PPP1R1C: variants seen among roughly 807,000 people sequenced by gnomAD.
PPP1R1C encodes protein phosphatase 1 regulatory subunit 1C.
PPP1R1C carries 15 observed loss-of-function variants against 17.4 expected under a neutral mutation model. The observed-to-expected ratio is 0.86, with a 90% CI of 0.58 to 1.33. PPP1R1C has a LOEUF of 1.33. Among genes scored for constraint, PPP1R1C ranks in the 40% most tolerant of loss-of-function variants. The pLI is 0.00. For synonymous variants in PPP1R1C, 35 were observed against 43.1 expected, an observed-to-expected ratio of 0.81 and a Z score of 0.73; for missense variants, 143 against 130.0, an observed-to-expected ratio of 1.10 and a Z score of -0.48.
intron 2 of PPP1R1C, among the ~76,000 whole-genome samples, chr2:182,058,679 G>T (rs995819187): frequency 6.6e-6 from 1 of 151,982 alleles, no homozygotes; most frequent in Non-Finnish European, 1.5e-5. Context: ...GGAATTTTAC[G>T]TGGCTTAAGT....
chr2:182,046,960 G>A (rs987799448), intron 2 of PPP1R1C, among the ~76,000 whole-genome samples: 13 of 150,920 alleles, frequency 8.6e-5, no homozygotes, highest in African/African-American at 2.9e-4. Flanking sequence ...GACCTATGTG[G>A]AAAAAAAAAG....
chr2:182,045,332 T>G (rs1687310778), intron 2 of PPP1R1C, among the ~76,000 whole-genome samples: 1 of 152,040 alleles, frequency 6.6e-6, no homozygotes, highest in South Asian at 2.1e-4. Context: ...TTTCAGATGA[T>G]CAAGTGACAA....
chr2:181,963,879 C>T (rs1042526000), intron 1 of PPP1R1C, among the ~76,000 whole-genome samples: 1 of 151,624 alleles, frequency 6.6e-6, no homozygotes, highest in African/African-American at 2.4e-5. Flanking sequence ...TATTTTGATA[C>T]AGGCATACAA....
intron 4 of PPP1R1C, among the ~76,000 whole-genome samples, chr2:182,096,405 T>G (rs148276504): frequency 6.6e-6 from 1 of 152,270 alleles, no homozygotes; most frequent in African/African-American, 2.4e-5. Flanking sequence ...GATTTCTGAT[T>G]CGTTAAGGTG....
intron 2 of PPP1R1C, among the ~76,000 whole-genome samples, chr2:182,024,857 A>AAAACAAAC (rs374519097): frequency 0.095 from 14,387 of 150,728 alleles, 967 homozygotes; most frequent in East Asian, 0.28. Flanking sequence ...TCTGTCTCAA[A>AAAACAAAC]AAACAAACAA....
intron 4 of PPP1R1C, among the ~76,000 whole-genome samples, chr2:182,093,797 C>T (rs1688854635): frequency 6.6e-6 from 1 of 152,232 alleles, no homozygotes; most frequent in Admixed American, 6.5e-5. Context: ...GAGACCACTT[C>T]AGCCTGGACA....
rs560432610 is a variant in PPP1R1C, at chr2:182,066,858, G to T, written c.241+3067G>T. 9.1e-4 allele frequency among the ~76,000 whole-genome samples: 138 copies of T among 152,102 alleles called. 1 individual carries two copies. Among genetic ancestry groups the T allele is most frequent in the African/African-American group, 3.2e-3 (134 of 41,514 alleles). On this transcript the variant is annotated intron_variant, in intron 4 of 4. Transcript: ENST00000682840. ...TTACAGAACAGCCAATTAAATTATT[G>T]TTGGACTGCTTGAATCATGTTTTCA...
chr2:181,992,565 C>G (rs77674133), intron 2 of PPP1R1C, among the ~76,000 whole-genome samples: 4,361 of 134,318 alleles, frequency 0.032, 1,031 homozygotes, highest in Non-Finnish European at 0.054. Flanking sequence ...CTGACGCCTA[C>G]TAAACATGAG....
At chr2:182,053,717 C>A (rs1687594356) in intron 2 of PPP1R1C, among the ~76,000 whole-genome samples, 1 of 151,612 alleles carries the variant, frequency 6.6e-6, no homozygotes, top group Admixed American at 6.6e-5. Flanking sequence ...TTCTTTTATC[C>A]TCTCATTCTA....
At chr2:182,097,408 T>G (rs919920752) in intron 4 of PPP1R1C, among the ~76,000 whole-genome samples, 1 of 152,212 alleles carries the variant, frequency 6.6e-6, no homozygotes, top group African/African-American at 2.4e-5. Flanking sequence ...ACATAAGTAT[T>G]GGGAATCGCT....
rs2125129394 is a variant in PPP1R1C, at chr2:181,957,307, AGGT to A, written n.111+2674_111+2676del. 6.6e-6 allele frequency among the ~76,000 whole-genome samples: 1 copy of A among 152,230 alleles called. No individual in the cohort carries two copies. Among genetic ancestry groups the A allele is most frequent in the Non-Finnish European group, 1.5e-5 (1 of 68,002 alleles). ...GGGAGGTGGAGGTTGTGGTAAGCCG[AGGT>A]AGCGCCACTGCACTTCAACCTGGGC... On this transcript the variant is annotated intron_variant and non_coding_transcript_variant, in intron 1 of 5. Coordinates refer to the PPP1R1C transcript ENST00000464264. This position sits in a 1 kb window ranked among gnomAD's most constrained non-coding sequence, Gnocchi z 4.2.
chr2:182,028,517 C>T (rs865795384), intron 2 of PPP1R1C, among the ~76,000 whole-genome samples: 139 of 152,124 alleles, frequency 9.1e-4, no homozygotes, highest in African/African-American at 2.7e-3. Context: ...TGTAGTTGAG[C>T]GGTTTTGAGT....
chr2:182,060,735 A>C (rs890502104), intron 2 of PPP1R1C, among the ~76,000 whole-genome samples: 4 of 152,176 alleles, frequency 2.6e-5, no homozygotes, highest in African/African-American at 9.6e-5. Context: ...TGGGCCTAGC[A>C]TAAGGATCAG....
intron 2 of PPP1R1C, among the ~76,000 whole-genome samples, chr2:182,042,181 T>C (rs894912699): frequency 2.0e-5 from 3 of 152,228 alleles, no homozygotes; most frequent in Non-Finnish European, 2.9e-5. Flanking sequence ...TTTTTTACTC[T>C]ACTTATTTGG....
chr2:181,962,364 C>A lies in PPP1R1C; in HGVS notation n.111+7730C>A, dbSNP rs750477635. On this transcript the variant is annotated intron_variant and non_coding_transcript_variant, in intron 1 of 5. Coordinates refer to the PPP1R1C transcript ENST00000464264. The surrounding 1 kb of genome is among the most constrained non-coding windows in gnomAD (Gnocchi z 6.0). ...GATATCCGGGAACCAGAGCCCCCGG[C>A]GCCTGCATAGACGCTGGCCATGCAG... is the stretch of plus-strand genomic sequence containing the variant. 11 of 920,430 alleles carry A rather than the reference C, an allele frequency of 1.2e-5. No homozygotes were observed. The highest frequency in any genetic ancestry group is 1.7e-6 in the Non-Finnish European group (1 of 580,112). The allele number at this position is 920,430 out of a possible 1,614,324, so 57.0% of individuals were successfully genotyped here.
downstream of PPP1R1C, among the ~76,000 whole-genome samples, chr2:182,118,132 T>G (rs1689640690): frequency 6.6e-6 from 1 of 152,162 alleles, no homozygotes; most frequent in African/African-American, 2.4e-5. Flanking sequence ...GAAATTCCAT[T>G]AATTCATTCA....
chr2:181,974,490 T>C (rs962818555), intron 1 of PPP1R1C, among the ~76,000 whole-genome samples: 3 of 152,218 alleles, frequency 2.0e-5, no homozygotes, highest in African/African-American at 7.2e-5. Context: ...CAAACTGTAA[T>C]TGGAAAAGAC....
intron 2 of PPP1R1C, among the ~76,000 whole-genome samples, chr2:182,053,310 G>C (rs970653809): frequency 6.6e-6 from 1 of 152,072 alleles, no homozygotes; most frequent in Non-Finnish European, 1.5e-5. Flanking sequence ...CACTTTGAGC[G>C]AATAGTTGAT....
chr2:182,074,306 G>A (rs1194053815), intron 4 of PPP1R1C, among the ~76,000 whole-genome samples: 1 of 152,084 alleles, frequency 6.6e-6, no homozygotes, highest in Admixed American at 6.5e-5. Context: ...CTCCCAAAGT[G>A]CTAGGGTTAC....
Sources: gnomAD v4.1 joint callset for allele counts (sites outside exome capture counted in the v4.1 genomes callset) on GRCh38, gnomAD v4.1.1 for gene constraint, Gnocchi (gnomAD v3.1) non-coding constraint, MANE v1.5 for transcripts, NCBI Gene and HGNC (gene_info 2026-07-23, HGNC 2026-07-21) for gene names.